The following POLRMT variants were observed in gnomAD, a reference collection of about 807,000 sequenced individuals.
The protein encoded by POLRMT is DNA-directed RNA polymerase, mitochondrial.
In POLRMT, 114 loss-of-function variants were observed where a neutral mutation model predicts 132.2. The ratio of observed to expected loss-of-function variants is 0.86; its 90% CI spans 0.74 to 1.01. The LOEUF is 1.01. Among genes scored for constraint, POLRMT ranks in the 50% least tolerant of loss-of-function variants. The pLI, the probability that POLRMT is intolerant of heterozygous loss-of-function variation, is 0.00. For missense variants in POLRMT, 2,003 were observed against 1,729.1 expected (o/e 1.16, Z -2.81); for synonymous variants, 1,020 against 773.4 (o/e 1.32, Z -5.29).
intron 3 of POLRMT, among the ~76,000 whole-genome samples, chr19:627,493 T>G (rs962682456): frequency 2.0e-5 from 3 of 151,944 alleles, no homozygotes; most frequent in African/African-American, 7.3e-5. Flanking sequence ...ATGGTAGACC[T>G]CACTGGCCAC....
At chr19:627,111 G>A (rs1985077170) in intron 3 of POLRMT, among the ~76,000 whole-genome samples, 1 of 149,780 alleles carries the variant, frequency 6.7e-6, no homozygotes, top group South Asian at 2.1e-4. Context: ...ACATGAGGTG[G>A]CCACACACCA....
intron 9 of POLRMT, 77 bp from the exon 10 acceptor site, chr19:621,923 A>G: frequency 6.6e-7 from 1 of 1,510,538 alleles, no homozygotes; most frequent in South Asian, 1.2e-5. Flanking sequence ...CTTGGGTGAG[A>G]GGGGCCGGCT....
rs376371137 is a variant in POLRMT at position 617,225 on chromosome 19, G to A, written c.*49C>T. On this transcript the variant is annotated 3_prime_UTR_variant, in exon 21 of 21. Transcript: ENST00000588649. ...ACCCTTCCTGAAGACAGTGGCTCCT[G>A]GGGGTGGCAAAAGAGCTTTATTTAC... The A allele has an allele frequency of 1.4e-5, 23 of 1,598,982 alleles. No individual in the cohort carries two copies. In the Middle Eastern group the frequency reaches 5.9e-4, roughly 41 times the overall value.
rs1220246544 is a variant in POLRMT, at chr19:617,620, C to T, written c.3531G>A (p.Glu1177=). Residue 1177 remains glutamate (E), a synonymous_variant, in exon 19 of 21, where the codon GAG becomes GAA. Transcript: ENST00000588649. ...ATCTGGACAGGTCCTGCAGGATGGG[C>T]TCGCTGTGCAAGCGGACAAACTGCT... ...CREQFVRLHS[E]PILQDLSRFL... is the part of the protein sequence containing the mutation. 4 of 1,612,316 alleles carry T rather than the reference C, an allele frequency of 2.5e-6. No individual in the cohort carries two copies. The highest frequency in any genetic ancestry group is 3.4e-6 in the Non-Finnish European group (4 of 1,179,992).
At position 624,935 on chromosome 19, in the gene POLRMT, G is replaced by A. The variant is rs56138528; in HGVS notation, c.954-30C>T. On this transcript the variant is annotated intron_variant, in intron 4 of 20. Transcript: ENST00000588649. ...GGTGCAGGCGGCCTGCTCGAGGGAC[G>A]GGCCAGCCCCACGCTGGGCTTCCAC... The A allele has an allele frequency of 3.3e-5, 52 of 1,583,554 alleles. No individual in the cohort carries two copies. In the East Asian group the frequency reaches 4.7e-4, roughly 14 times the overall value.
intron 2 of POLRMT, among the ~76,000 whole-genome samples, chr19:632,187 G>A (rs1267096156): frequency 6.6e-6 from 1 of 151,926 alleles, no homozygotes; most frequent in African/African-American, 2.4e-5. Flanking sequence ...GCCCACCTCG[G>A]CCACCCAAAA....
chr19:622,835 G>C lies in POLRMT; in HGVS notation c.1441C>G (p.Arg481Gly), dbSNP rs377471726. The change falls in exon 7 of 21, where the codon CGG becomes GGG. Residue 481 changes from arginine to glycine, a missense_variant. Physicochemically the swap from Arg to Gly is moderately radical, Grantham distance 125. Transcript: ENST00000588649. ...LCLLDEREVV[R>G]MLLQVLQALP... is the part of the protein sequence containing the mutation. ...GGAAGACGCACCTGCAGGAGCATCC[G>C]CACCACCTCGCGCTCGTCCAGCAGG... is the stretch of plus-strand genomic sequence containing the variant. 3 of 1,597,734 alleles carry C rather than the reference G, an allele frequency of 1.9e-6. No individual in the cohort carries two copies. The highest frequency in any genetic ancestry group is 2.7e-5 in the African/African-American group (2 of 74,534).
At chr19:618,917 T>C (rs1489852918) in intron 15 of POLRMT, 80 bp downstream of exon 15, 1 of 1,362,586 alleles carries the variant, frequency 7.3e-7, no homozygotes, top group Non-Finnish European at 1.0e-6. Flanking sequence ...GGGGTGGTGG[T>C]ACGCTGGGGC....
At chr19:625,370 G>A (rs1984952767) in intron 3 of POLRMT, 116 bp from the exon 4 acceptor site, 2 of 1,405,044 alleles carry the variant, frequency 1.4e-6, no homozygotes, top group East Asian at 4.7e-5. Context: ...AGGGTCACCA[G>A]GCAGGAGTGG....
At position 620,162 on chromosome 19, in the gene POLRMT, C is replaced by A. The variant is rs576115042; in HGVS notation, c.2764-82G>T. ...CCCCAAACCACCCCCCAGGTCGAGC[C>A]GTTCCTAGGGCCGTGCACCCCCCAG... On this transcript the variant is annotated intron_variant, in intron 11 of 20. Coordinates refer to ENST00000588649, the MANE Select transcript of POLRMT (RefSeq NM_005035.4). 3 of 1,512,986 alleles carry A rather than the reference C, an allele frequency of 2.0e-6. No homozygotes were observed. The African/African-American group carries it at 4.1e-5, about 21-fold the overall frequency. 93.7% of individuals were successfully genotyped at this position (1,512,986 alleles called of 1,614,324 possible). A position where few individuals can be genotyped will look rare whatever the true frequency, so the allele number is the denominator to read the frequency against.
At chr19:626,264 G>A (rs1417094153) in intron 3 of POLRMT, among the ~76,000 whole-genome samples, 1 of 151,788 alleles carries the variant, frequency 6.6e-6, no homozygotes, top group Non-Finnish European at 1.5e-5. Context: ...CGATTCTCCT[G>A]CCTCAGCCTC....
In POLRMT at chr19:619,114, T is replaced by A; in HGVS notation, c.3154-4A>T. 6.2e-7 allele frequency: 1 copy of A among 1,611,502 alleles called. No homozygotes were observed. Among genetic ancestry groups the A allele is most frequent in the Non-Finnish European group, 8.5e-7 (1 of 1,179,186 alleles). On this transcript the variant is annotated splice_region_variant and splice_polypyrimidine_tract_variant and intron_variant, in intron 14 of 20. Transcript: ENST00000588649. ...GGGCACTCTCGGTCAGCCAGTGCTG[T>A]GGGACACAGGCCGTCTCAGGGCAGG...
At chr19:619,511 G>A in intron 13 of POLRMT, 75 bp downstream of exon 13, 1 of 1,566,270 alleles carries the variant, frequency 6.4e-7, no homozygotes. Flanking sequence ...TGGGAGGCTG[G>A]GTCGGGGGCA....
At position 622,634 on chromosome 19, in the gene POLRMT, G is replaced by A. The variant is rs555948538; in HGVS notation, c.1574C>T (p.Ala525Val). 23 of 1,607,340 alleles carry A rather than the reference G, an allele frequency of 1.4e-5. No homozygotes were observed. Among genetic ancestry groups the A allele is most frequent in the African/African-American group, 1.2e-4 (9 of 74,940 alleles). Residue 525 changes from alanine to valine, a missense_variant, in exon 8 of 21, where the codon GCG becomes GTG. By Grantham distance (64) the Ala-to-Val change is moderately conservative. Coordinates refer to ENST00000588649, the MANE Select transcript of POLRMT (RefSeq NM_005035.4). ...GTACTTCCTGTAGTGGTTCTGCAGC[G>A]CCTGCACCTGGCCACTGACCCGCTG... ...QRQRVSGQVQ[A>V]LQNHYRKYLC...
Position 621,764 on chromosome 19 carries a change from T to C in POLRMT, c.1934A>G (p.Asp645Gly), listed in dbSNP as rs1404508362. ...AEPTLTFEAVDVPMLCPPLPW... is the reference protein window; with the variant it reads ...AEPTLTFEAVGVPMLCPPLPW... ...CAGCGGGGGGCAAAGCATGGGTACATCCACCGCCTCGAAGGTCAGCGTGGG... is the reference window on the plus strand; with the variant it reads ...CAGCGGGGGGCAAAGCATGGGTACACCCACCGCCTCGAAGGTCAGCGTGGG... The change falls in exon 10 of 21, where the codon GAT becomes GGT. Residue 645 changes from aspartate to glycine, a missense_variant. Physicochemically the swap from Asp to Gly is moderately conservative, Grantham distance 94. Coordinates refer to ENST00000588649, the MANE Select transcript of POLRMT (RefSeq NM_005035.4). The C allele has an allele frequency of 1.2e-6, 2 of 1,601,342 alleles. No homozygotes were observed. Among genetic ancestry groups the C allele is most frequent in the Non-Finnish European group, 1.7e-6 (2 of 1,179,776 alleles).
At position 620,451 on chromosome 19, in the gene POLRMT, G is replaced by C; in HGVS notation, c.2677C>G (p.Gln893Glu). The C allele has an allele frequency of 6.2e-7, 1 of 1,600,832 alleles. No individual in the cohort carries two copies. Among genetic ancestry groups the C allele is most frequent in the Non-Finnish European group, 8.5e-7 (1 of 1,173,736 alleles). The change falls in exon 11 of 21, where the codon CAG becomes GAG. Residue 893 changes from glutamine (Q) to glutamate (E), a missense_variant. Transcript: ENST00000588649. ...KWWMGAEEPW[Q>E]TLACCMEVAN... ...ACCTCCATACAGCAGGCCAGCGTCT[G>C]CCAGGGTTCCTCCGCGCCCATCCAC...
rs985267155 is a variant in POLRMT, at chr19:632,523, T to C, written c.193+311A>G. ...ACATCCTGGCTCTGCACATGTGGCC[T>C]TGGCGGCGGGGCCGGGGGGGGGGTC... On this transcript the variant is annotated intron_variant, in intron 2 of 20. Transcript: ENST00000588649. 1.8e-4 allele frequency among the ~76,000 whole-genome samples: 23 copies of C among 129,172 alleles called. No individual in the cohort carries two copies. The East Asian group carries it at 2.8e-3, about 16-fold the overall frequency. 84.7% of individuals were successfully genotyped at this position (129,172 alleles called of 152,430 possible). A position where few individuals can be genotyped will look rare whatever the true frequency, so the allele number is the denominator to read the frequency against.
intron 1 of POLRMT, 186 bp downstream of exon 1, chr19:633,239 G>A (rs542436271): frequency 1.1e-5 from 8 of 738,996 alleles, no homozygotes; most frequent in African/African-American, 3.8e-5. Flanking sequence ...CGAGTCAAAG[G>A]TCAGACTGCA....
intron 1 of POLRMT, 119 bp from the exon 2 acceptor site, chr19:633,057 G>C (rs1207452030): frequency 1.4e-6 from 1 of 739,380 alleles, no homozygotes; most frequent in Non-Finnish European, 2.1e-6. Flanking sequence ...AACTCTCGGA[G>C]CACGGGCTTA....
Sources: gnomAD v4.1 joint callset for allele counts (sites outside exome capture counted in the v4.1 genomes callset) on GRCh38, gnomAD v4.1.1 for gene constraint, MANE v1.5 for transcripts, NCBI Gene and HGNC (gene_info 2026-07-23, HGNC 2026-07-21) for gene names.